The following NYAP2 variants were observed in gnomAD, a reference collection of about 807,000 sequenced individuals.
NYAP2 encodes neuronal tyrosine-phosphorylated phosphoinositide-3-kinase adaptor 2, also known as neuronal tyrosine-phosphorylated phosphoinositide-3-kinase adapter 2.
In NYAP2, 23 loss-of-function variants were observed where a neutral mutation model predicts 50.4. The observed-to-expected ratio is 0.46, with a 90% CI of 0.33 to 0.65. The LOEUF is 0.65. Among genes scored for constraint, NYAP2 ranks in the 30% least tolerant of loss-of-function variants. The probability of loss-of-function intolerance (pLI) is 0.02; values close to 1 mark genes in which losing one functional copy is unlikely to be tolerated. For missense variants in NYAP2, 885 were observed against 861.0 expected (o/e 1.03, Z -0.35); for synonymous variants, 394 against 365.2 (o/e 1.08, Z -0.90).
intron 3 of NYAP2, among the ~76,000 whole-genome samples, chr2:225,428,695 G>C (rs139355827): frequency 2.1e-3 from 326 of 152,316 alleles, no homozygotes; most frequent in Admixed American, 6.7e-3. Flanking sequence ...AGAGATTTCT[G>C]TGTATTCTGG....
At chr2:225,618,940 G>GTAT (rs1367021066) in intron 5 of NYAP2, among the ~76,000 whole-genome samples, 1 of 152,318 alleles carries the variant, frequency 6.6e-6, no homozygotes, top group Non-Finnish European at 1.5e-5. Context: ...GTGTGGAAAA[G>GTAT]TATTATATGC....
At chr2:225,444,324 C>T (rs769598684) in intron 3 of NYAP2, among the ~76,000 whole-genome samples, 1 of 152,166 alleles carries the variant, frequency 6.6e-6, no homozygotes, top group Non-Finnish European at 1.5e-5. Context: ...CACACTCACC[C>T]TGAGTACAGT....
intron 5 of NYAP2, among the ~76,000 whole-genome samples, chr2:225,605,284 C>T (rs1271469162): frequency 6.6e-6 from 1 of 152,044 alleles, no homozygotes; most frequent in Non-Finnish European, 1.5e-5. Context: ...CACACTCCCA[C>T]CTAAGAGTGG....
At chr2:225,421,746 AT>A (rs1356799030) in intron 3 of NYAP2, among the ~76,000 whole-genome samples, 4 of 152,218 alleles carry the variant, frequency 2.6e-5, no homozygotes, top group Non-Finnish European at 4.4e-5. Flanking sequence ...GGGTTAAGAG[AT>A]GTGTAGTTTA....
chr2:225,545,043 A>G (rs1691548683), intron 4 of NYAP2, among the ~76,000 whole-genome samples: 1 of 152,164 alleles, frequency 6.6e-6, no homozygotes, highest in Non-Finnish European at 1.5e-5. Context: ...TTCAACTGAA[A>G]CATCTGCTGC....
At chr2:225,556,266 C>T (rs551704959) in intron 4 of NYAP2, among the ~76,000 whole-genome samples, 5 of 152,044 alleles carry the variant, frequency 3.3e-5, no homozygotes, top group Non-Finnish European at 5.9e-5. Flanking sequence ...TGCACATATA[C>T]GATATACTTA....
Position 225,645,739 on chromosome 2 carries a change from C to T in NYAP2, c.1829-5693C>T, listed in dbSNP as rs192361406. Among the ~76,000 whole-genome samples the T allele has an allele frequency of 3.3e-5, 5 of 152,174 alleles. No homozygotes were observed. In the East Asian group the frequency reaches 9.7e-4, roughly 29 times the overall value. On this transcript the variant is annotated intron_variant, in intron 6 of 6. Coordinates refer to ENST00000636099, the Ensembl canonical transcript of NYAP2. The stretch of plus-strand genomic sequence containing the variant: ...CTTAGATCTCTTTCCAGGTATGTGC[C>T]CCTTGTTGGTGGACCCCAAAATTCT...
chr2:225,544,414 G>A (rs199977008), intron 4 of NYAP2, among the ~76,000 whole-genome samples: 1 of 151,402 alleles, frequency 6.6e-6, no homozygotes, highest in African/African-American at 2.4e-5. Context: ...TTGCTTTTTT[G>A]TGTGTGTGTA....
At chr2:225,495,986 T>G (rs2106174218) in intron 3 of NYAP2, among the ~76,000 whole-genome samples, 1 of 152,300 alleles carries the variant, frequency 6.6e-6, no homozygotes, top group African/African-American at 2.4e-5. Context: ...GCTCATCACA[T>G]TACCACTTCA....
At chr2:225,596,616 T>G (rs1429885568) in intron 5 of NYAP2, among the ~76,000 whole-genome samples, 1 of 152,224 alleles carries the variant, frequency 6.6e-6, no homozygotes. Context: ...AAGCTAATTT[T>G]TTTTAAAAAA....
the NYAP2 span, among the ~76,000 whole-genome samples, chr2:225,682,008 A>G: frequency 1.9e-3 from 291 of 152,264 alleles, no homozygotes; most frequent in African/African-American, 6.7e-3. Flanking sequence ...CATTTCAATT[A>G]TTATTACTAC....
intron 4 of NYAP2, among the ~76,000 whole-genome samples, chr2:225,550,914 G>T (rs1362539789): frequency 2.0e-5 from 3 of 152,170 alleles, no homozygotes; most frequent in African/African-American, 7.2e-5. Flanking sequence ...TTTATTTAGT[G>T]ATGTTCTAGT....
chr2:225,418,759 G>A (rs545920759), intron 3 of NYAP2, among the ~76,000 whole-genome samples: 2 of 152,214 alleles, frequency 1.3e-5, no homozygotes, highest in Non-Finnish European at 2.9e-5. Context: ...TTACAGAAAT[G>A]TTAACACTTT....
intron 5 of NYAP2, among the ~76,000 whole-genome samples, chr2:225,606,782 C>G (rs1043530878): frequency 3.9e-5 from 6 of 152,066 alleles, no homozygotes; most frequent in Non-Finnish European, 1.5e-5. Flanking sequence ...AAGCCAAATT[C>G]TCTTGAATAT....
chr2:225,434,353 AT>A (rs1559178538), intron 3 of NYAP2, among the ~76,000 whole-genome samples: 2 of 152,198 alleles, frequency 1.3e-5, no homozygotes, highest in African/African-American at 4.8e-5. Flanking sequence ...AAACAAACCT[AT>A]TTCTTTCATA....
the NYAP2 span, chr2:225,702,298 A>G: frequency 6.6e-6 from 1 of 151,850 alleles, no homozygotes; most frequent in South Asian, 2.1e-4. Context: ...AATGTGGACC[A>G]TTTTTTACTA....
intron 2 of NYAP2, among the ~76,000 whole-genome samples, chr2:225,405,407 A>G (rs1025725950): frequency 4.6e-5 from 7 of 152,024 alleles, no homozygotes; most frequent in African/African-American, 1.7e-4. Flanking sequence ...AAATTCTTGC[A>G]TACATAATTG....
chr2:225,416,455 G>A (rs187080583), intron 3 of NYAP2, among the ~76,000 whole-genome samples: 15 of 152,108 alleles, frequency 9.9e-5, no homozygotes, highest in Non-Finnish European at 1.3e-4. Flanking sequence ...TCAAAATGGC[G>A]TCTGTCCTGC....
rs1690875882 is a variant in NYAP2 at position 225,513,689 on chromosome 2, C to T, written c.523+17C>T. On this transcript the variant is annotated intron_variant, in intron 4 of 6. Transcript: ENST00000636099. Reference sequence around the variant, plus strand: ...GGACTGAAGGTAAAACACGCCATGTCCATGTCACCTAGAAATCTCTTTCAG... The same window carrying T: ...GGACTGAAGGTAAAACACGCCATGTTCATGTCACCTAGAAATCTCTTTCAG... The T allele has an allele frequency of 2.0e-6, 3 of 1,487,870 alleles. No individual in the cohort carries two copies. The highest frequency in any genetic ancestry group is 2.8e-5 in the African/African-American group (2 of 70,554). 92.2% of individuals were successfully genotyped at this position (1,487,870 alleles called of 1,614,324 possible). A position where few individuals can be genotyped will look rare whatever the true frequency, so the allele number is the denominator to read the frequency against.
Sources: allele counts gnomAD v4.1 joint callset (sites outside exome capture counted in the v4.1 genomes callset), GRCh38; gene constraint gnomAD v4.1.1; transcripts MANE v1.5; gene names NCBI Gene and HGNC (gene_info 2026-07-23, HGNC 2026-07-21).